Variants in ARHGAP10 observed in about 807,000 individuals in gnomAD.
The protein encoded by ARHGAP10 is rho GTPase-activating protein 10.
ARHGAP10 carries 87 observed loss-of-function variants against 108.6 expected under a neutral mutation model. That is an observed-to-expected ratio of 0.80 (90% CI 0.67 to 0.96). The LOEUF (loss-of-function observed/expected upper bound fraction) is 0.96. Ranked by LOEUF, ARHGAP10 falls within the 40% of genes least tolerant of loss-of-function variation. The pLI, the probability that ARHGAP10 is intolerant of heterozygous loss-of-function variation, is 0.00. For missense variants in ARHGAP10, 939 were observed against 954.5 expected, an observed-to-expected ratio of 0.98 and a Z score of 0.21; for synonymous variants, 347 against 341.1, an observed-to-expected ratio of 1.02 and a Z score of -0.19.
chr4:147,898,965 T>G (rs55820558), intron 10 of ARHGAP10, among the ~76,000 whole-genome samples: 118,635 of 152,086 alleles, frequency 0.78, 48,877 homozygotes, highest in Non-Finnish European at 0.92. Context: ...ACCAGATCCC[T>G]TTCTCGACAT....
chr4:147,769,873 A>G (rs1301831320), intron 1 of ARHGAP10, among the ~76,000 whole-genome samples: 1 of 152,220 alleles, frequency 6.6e-6, no homozygotes, highest in Non-Finnish European at 1.5e-5. Context: ...AAAAGAGAGG[A>G]GCCTGAAGGG....
intron 19 of ARHGAP10, among the ~76,000 whole-genome samples, chr4:148,036,860 A>G (rs759309196): frequency 2.0e-5 from 3 of 152,182 alleles, no homozygotes; most frequent in Non-Finnish European, 4.4e-5. Flanking sequence ...TGTATAGATT[A>G]CAACTTCTAG....
At chr4:147,857,383 A>G (rs1734136795) in intron 4 of ARHGAP10, among the ~76,000 whole-genome samples, 170 bp from the exon 5 acceptor site, 2 of 152,236 alleles carry the variant, frequency 1.3e-5, no homozygotes, top group African/African-American at 4.8e-5. Context: ...TGCTGTCTTG[A>G]TGATTAAGCA....
chr4:147,859,974 T>A (rs971787634), intron 5 of ARHGAP10, among the ~76,000 whole-genome samples: 5 of 152,222 alleles, frequency 3.3e-5, no homozygotes, highest in African/African-American at 1.2e-4. Context: ...GGGGGATGCT[T>A]TTTAAAGGGG....
chr4:148,017,682 A>ATATATATATATATATATATATATG (rs1437383455), intron 18 of ARHGAP10, among the ~76,000 whole-genome samples: 94 of 135,204 alleles, frequency 7.0e-4, no homozygotes, highest in Non-Finnish European at 1.0e-3. Context: ...ATATATATAT[A>ATATATATATATATATATATATATG]TGTGTGTGTA....
At chr4:147,882,061 G>A in intron 10 of ARHGAP10, 129 bp downstream of exon 10, 1 of 829,512 alleles carries the variant, frequency 1.2e-6, no homozygotes, top group Non-Finnish European at 1.9e-6. Flanking sequence ...TTTCCAGGCT[G>A]TGTGTTCATT....
chr4:147,948,245 A>G (rs144250110), intron 15 of ARHGAP10, among the ~76,000 whole-genome samples: 1 of 152,182 alleles, frequency 6.6e-6, no homozygotes, highest in African/African-American at 2.4e-5. Flanking sequence ...TACTTTAAAG[A>G]TTTTCTGAAA....
At chr4:148,025,301 G>A (rs1741724371) in intron 19 of ARHGAP10, among the ~76,000 whole-genome samples, 1 of 150,910 alleles carries the variant, frequency 6.6e-6, no homozygotes, top group African/African-American at 2.4e-5. Flanking sequence ...ATGATGTTTT[G>A]TTCTACATTT....
intron 1 of ARHGAP10, among the ~76,000 whole-genome samples, chr4:147,734,189 G>A (rs1728334899): frequency 6.6e-6 from 1 of 152,062 alleles, no homozygotes; most frequent in Non-Finnish European, 1.5e-5. Context: ...TGGAGCTAGA[G>A]AGGTGTGGAG....
chr4:148,039,368 ATTTTTTTTTTTTT>A (rs34876546), intron 19 of ARHGAP10, among the ~76,000 whole-genome samples: 846 of 73,114 alleles, frequency 0.012, 17 homozygotes, highest in African/African-American at 0.044. Context: ...TACTACTTCA[ATTTTTTTTTTTTT>A]TTTTTTTTTT....
At chr4:147,862,604 T>G (rs1734370397) in intron 5 of ARHGAP10, 1 of 152,272 alleles carries the variant, frequency 6.6e-6, no homozygotes, top group Admixed American at 6.5e-5. Context: ...ATCCCAGGGA[T>G]TCTGGTGATT....
chr4:148,036,389 C>T (rs994987185), intron 19 of ARHGAP10, among the ~76,000 whole-genome samples: 7 of 152,148 alleles, frequency 4.6e-5, no homozygotes, highest in Non-Finnish European at 8.8e-5. Context: ...ATTGTAGTTC[C>T]TATAATCCCC....
intron 1 of ARHGAP10, among the ~76,000 whole-genome samples, chr4:147,793,065 G>A (rs1350540417): frequency 6.6e-6 from 1 of 152,162 alleles, no homozygotes. Flanking sequence ...TTGAACCTGG[G>A]AGGTGGAGGT....
chr4:147,897,648 C>T lies in ARHGAP10; in HGVS notation c.1035-8990C>T, dbSNP rs568011593. Among the ~76,000 whole-genome samples the T allele has an allele frequency of 9.2e-5, 14 of 152,268 alleles. No homozygotes were observed. The East Asian group carries it at 1.7e-3, about 19-fold the overall frequency. On this transcript the variant is annotated intron_variant, in intron 10 of 22. Transcript: ENST00000336498. ...AGTGGATGACTTCCAATCATCCTTT[C>T]GCTCTCTGTGCTCTTGTTACTATAT...
chr4:147,738,317 C>T (rs1051018167), intron 1 of ARHGAP10, among the ~76,000 whole-genome samples: 18 of 152,172 alleles, frequency 1.2e-4, no homozygotes, highest in African/African-American at 3.6e-4. Context: ...TTTGGGAGGC[C>T]GAGGCGGGCG....
intron 19 of ARHGAP10, among the ~76,000 whole-genome samples, chr4:148,043,742 ATATGTATATATG>A (rs1728749331): frequency 7.6e-6 from 1 of 131,862 alleles, no homozygotes; most frequent in Non-Finnish European, 1.6e-5. Context: ...ATGTGTATAT[ATATGTATATATG>A]TATATATATG....
intron 3 of ARHGAP10, among the ~76,000 whole-genome samples, chr4:147,823,924 C>T (rs187008666): frequency 6.6e-6 from 1 of 152,304 alleles, no homozygotes; most frequent in East Asian, 1.9e-4. Flanking sequence ...GCTTACATTA[C>T]CTTCCTAATG....
In ARHGAP10 at chr4:148,037,829, G is replaced by A. The variant is rs1189242560; in HGVS notation, c.1868-9063G>A. 2.2e-3 allele frequency among the ~76,000 whole-genome samples: 306 copies of A among 138,588 alleles called. 3 individuals carry two copies. The highest frequency in any genetic ancestry group is 5.4e-4 in the Non-Finnish European group (36 of 66,100). 90.9% of individuals were successfully genotyped at this position (138,588 alleles called of 152,430 possible). On this transcript the variant is annotated intron_variant, in intron 19 of 22. Coordinates refer to ENST00000336498, the MANE Select transcript of ARHGAP10 (RefSeq NM_024605.4). ...CAGCCTGGTGACAGGGTGAGACTCC[G>A]TCTCAAAAAAAAAAAAAAAGAAAAG...
At chr4:147,863,520 A>G (rs1047132005) in intron 5 of ARHGAP10, 2 of 152,188 alleles carry the variant, frequency 1.3e-5, no homozygotes, top group African/African-American at 2.4e-5. Context: ...CATTGGGGTC[A>G]CTTTGCCCCC....
Sources: allele counts gnomAD v4.1 joint callset (sites outside exome capture counted in the v4.1 genomes callset), GRCh38; gene constraint gnomAD v4.1.1; transcripts MANE v1.5; gene names NCBI Gene and HGNC (gene_info 2026-07-23, HGNC 2026-07-21).